The following ADAM19 variants were observed in gnomAD, a reference collection of about 807,000 sequenced individuals.
The protein encoded by ADAM19 is ADAM metallopeptidase domain 19.
Under a neutral mutation model 114.7 loss-of-function variants are expected in ADAM19, and 65 were observed. The ratio of observed to expected loss-of-function variants is 0.57; its 90% CI spans 0.46 to 0.70. The LOEUF is 0.70. Among genes scored for constraint, ADAM19 ranks in the 30% least tolerant of loss-of-function variants. The probability of loss-of-function intolerance (pLI) is 0.00; values close to 1 mark genes in which losing one functional copy is unlikely to be tolerated. For missense variants in ADAM19, 1,063 were observed against 1,204.7 expected, an observed-to-expected ratio of 0.88 and a Z score of 1.74; for synonymous variants, 466 against 460.5, an observed-to-expected ratio of 1.01 and a Z score of -0.15.
chr5:157,506,028 T>C (rs1220299846), intron 10 of ADAM19, among the ~76,000 whole-genome samples: 2 of 152,236 alleles, frequency 1.3e-5, no homozygotes, highest in African/African-American at 4.8e-5. Context: ...TTCTCAAAGG[T>C]TGCAGACCAC....
chr5:157,506,380 T>C (rs1255336032), intron 10 of ADAM19, among the ~76,000 whole-genome samples: 1 of 152,206 alleles, frequency 6.6e-6, no homozygotes, highest in Non-Finnish European at 1.5e-5. Context: ...TTAATTCCCA[T>C]TCCTATCCTA....
At chr5:157,498,304 AG>A (rs1302648519) in intron 13 of ADAM19, among the ~76,000 whole-genome samples, 1 of 152,230 alleles carries the variant, frequency 6.6e-6, no homozygotes, top group East Asian at 1.9e-4. Flanking sequence ...AGGAGGCTGC[AG>A]GACACACCTC....
At chr5:157,561,341 G>A (rs999504377) in intron 3 of ADAM19, among the ~76,000 whole-genome samples, 42 of 152,298 alleles carry the variant, frequency 2.8e-4, no homozygotes, top group African/African-American at 9.1e-4. Context: ...CTCTCCATGT[G>A]TGAATTCCAT....
intron 2 of ADAM19, among the ~76,000 whole-genome samples, chr5:157,567,800 C>CA (rs112813107): frequency 2.9e-3 from 396 of 137,624 alleles, no homozygotes; most frequent in African/African-American, 8.4e-3. Context: ...TCCGTCTAAA[C>CA]AAAAAAAAAA....
At position 157,520,792 on chromosome 5, in the gene ADAM19, G is replaced by A. The variant is rs144375356; in HGVS notation, c.408-761C>T. On this transcript the variant is annotated intron_variant, in intron 5 of 22. Coordinates refer to ENST00000257527, the MANE Select transcript of ADAM19 (RefSeq NM_033274.5). ...TTGGTGAAGTGACATCCACCACCAA[G>A]CATGAGGGACTACTTTTTTTCCTCC... 3.5e-3 allele frequency among the ~76,000 whole-genome samples: 532 copies of A among 152,322 alleles called. 6 individuals are homozygous for A. Among genetic ancestry groups the A allele is most frequent in the African/African-American group, 0.012 (498 of 41,574 alleles).
At chr5:157,555,978 T>C (rs991644052) in intron 3 of ADAM19, among the ~76,000 whole-genome samples, 1 of 152,160 alleles carries the variant, frequency 6.6e-6, no homozygotes, top group East Asian at 1.9e-4. Flanking sequence ...TGCCATTGTA[T>C]TTAGGGCCCA....
intron 2 of ADAM19, among the ~76,000 whole-genome samples, chr5:157,569,421 T>C (rs868515489): frequency 1.1e-4 from 16 of 140,878 alleles, no homozygotes; most frequent in Non-Finnish European, 1.7e-4. Flanking sequence ...ATTTTCTTTT[T>C]TTTTTTTTTT....
Position 157,509,355 on chromosome 5 carries a change from C to T in ADAM19, c.851G>A (p.Ser284Asn), listed in dbSNP as rs751398576. The T allele has an allele frequency of 3.1e-6, 5 of 1,613,248 alleles. No homozygotes were observed. The highest frequency in any genetic ancestry group is 3.4e-6 in the Non-Finnish European group (4 of 1,179,450). ...NPYSTLWSFL[S>N]WRRKLLAQKY... ...CTGGGCAAGCAGCTTGCGCCTCCAA[C>T]TGAGAAAGGACCAGAGGGTAGAATA... The change falls in exon 9 of 23, where the codon AGT becomes AAT. Residue 284 changes from serine to asparagine, a missense_variant. Ser to Asn is a conservative substitution (Grantham distance 46, BLOSUM62 1). Coordinates refer to ENST00000257527, the MANE Select transcript of ADAM19 (RefSeq NM_033274.5).
chr5:157,509,280 A>G, intron 9 of ADAM19, 21 bp downstream of exon 9: 4 of 1,596,012 alleles, frequency 2.5e-6, no homozygotes, highest in Non-Finnish European at 3.4e-6. Flanking sequence ...ACAACACAAC[A>G]TATGGAAAAA....
At position 157,478,624 on chromosome 5, in the gene ADAM19, C is replaced by G. The variant is rs920442464; in HGVS notation, c.*2325G>C. Reference sequence around the variant, plus strand: ...GGGATGCATAATGGCCAGTCTTCCTCCTGGGCAGCCTCCCTGAACAGAGCC... The same window carrying G: ...GGGATGCATAATGGCCAGTCTTCCTGCTGGGCAGCCTCCCTGAACAGAGCC... On this transcript the variant is annotated 3_prime_UTR_variant, in exon 23 of 23. Coordinates refer to ENST00000257527, the MANE Select transcript of ADAM19 (RefSeq NM_033274.5). 1.0e-6 allele frequency: 1 copy of G among 985,702 alleles called. No individual in the cohort carries two copies. Among genetic ancestry groups the G allele is most frequent in the African/African-American group, 1.7e-5 (1 of 57,206 alleles). 61.1% of individuals were successfully genotyped at this position (985,702 alleles called of 1,614,324 possible). A position where few individuals can be genotyped will look rare whatever the true frequency, so the allele number is the denominator to read the frequency against.
chr5:157,492,060 G>T, intron 16 of ADAM19, 148 bp from the exon 17 acceptor site: 3 of 666,564 alleles, frequency 4.5e-6, no homozygotes, highest in Non-Finnish European at 2.6e-6. Context: ...GGGAGGCTGA[G>T]GTGGGCGGAT....
chr5:157,518,541 T>C (rs1226894600), intron 7 of ADAM19, among the ~76,000 whole-genome samples: 2 of 152,172 alleles, frequency 1.3e-5, no homozygotes, highest in Non-Finnish European at 2.9e-5. Context: ...TGTGCCACCA[T>C]GCCCAGCTAA....
chr5:157,500,257 C>T (rs1755519072), intron 12 of ADAM19, among the ~76,000 whole-genome samples: 1 of 152,128 alleles, frequency 6.6e-6, no homozygotes, highest in Admixed American at 6.5e-5. Flanking sequence ...ATGCCACAGC[C>T]TCCCAAGTAG....
intron 2 of ADAM19, among the ~76,000 whole-genome samples, chr5:157,569,424 T>C (rs1434572613): frequency 1.1e-4 from 16 of 142,050 alleles, no homozygotes; most frequent in Non-Finnish European, 1.5e-4. Flanking sequence ...TTCTTTTTTT[T>C]TTTTTTTTTT....
Position 157,488,342 on chromosome 5 carries a change from T to C in ADAM19, c.2473A>G (p.Ile825Val), listed in dbSNP as rs754972352. The C allele has an allele frequency of 6.2e-7, 1 of 1,614,100 alleles. No individual in the cohort carries two copies. The highest frequency in any genetic ancestry group is 1.1e-5 in the South Asian group (1 of 91,084). Residue 825 changes from isoleucine to valine, a missense_variant, in exon 21 of 23, where the codon ATA becomes GTA. Physicochemically the swap from Ile to Val is conservative, Grantham distance 29. This residue lies in a region of ADAM19 where 424 missense variants were observed against 445.5 expected (regional missense o/e 0.95). Transcript: ENST00000257527. The stretch of plus-strand genomic sequence containing the variant: ...CTCCTGGACGACTCCGTCCTCTCTA[T>C]TTGAGACCCGGGCCCTGGGGAGTTC... ...ARNSPGPGSQ[I>V]ERTESSRRPP...
intron 14 of ADAM19, among the ~76,000 whole-genome samples, chr5:157,495,114 G>A (rs141189988): frequency 0.013 from 2,005 of 151,372 alleles, 22 homozygotes; most frequent in Middle Eastern, 0.038. Flanking sequence ...TCAGCCTCCC[G>A]AGTAGCTGGG....
intron 3 of ADAM19, among the ~76,000 whole-genome samples, chr5:157,557,288 G>A (rs1367421214): frequency 6.6e-6 from 1 of 152,244 alleles, no homozygotes; most frequent in Non-Finnish European, 1.5e-5. Flanking sequence ...AACCGGAAGT[G>A]TCAGTATCTG....
At chr5:157,518,001 A>T (rs1231399948) in intron 7 of ADAM19, among the ~76,000 whole-genome samples, 2 of 152,176 alleles carry the variant, frequency 1.3e-5, no homozygotes, top group African/African-American at 2.4e-5. Flanking sequence ...GGTGCTGCTG[A>T]TGCTGGTGCT....
At position 157,513,473 on chromosome 5, in the gene ADAM19, G is replaced by A. The variant is rs774052187; in HGVS notation, c.699C>T (p.Thr233=). 1 of 1,614,070 alleles carries A rather than the reference G, an allele frequency of 6.2e-7. No homozygotes were observed. The highest frequency in any genetic ancestry group is 8.5e-7 in the Non-Finnish European group (1 of 1,179,974). The stretch of plus-strand genomic sequence containing the variant: ...TGGCGATCTCTATGAGCTTGTGTTT[G>A]GTGGCGTCCTGGTCTCGTCGATTCT... ...FQKNRRDQDA[T]KHKLIEIANY... The change falls in exon 8 of 23, where the codon ACC becomes ACT. Residue 233 remains threonine (T), a synonymous_variant. Coordinates refer to ENST00000257527, the MANE Select transcript of ADAM19 (RefSeq NM_033274.5).
Sources: gnomAD v4.1 joint callset for allele counts (sites outside exome capture counted in the v4.1 genomes callset) on GRCh38, gnomAD v4.1.1 for gene constraint, gnomAD v4.1.1 regional missense constraint, MANE v1.5 for transcripts, NCBI Gene and HGNC (gene_info 2026-07-23, HGNC 2026-07-21) for gene names.